CUZD1: variants seen among roughly 807,000 people sequenced by gnomAD.
The protein encoded by CUZD1 is CUB and zona pellucida-like domain-containing protein 1.
CUZD1 carries 42 observed loss-of-function variants against 53.1 expected under a neutral mutation model. The ratio of observed to expected loss-of-function variants is 0.79; its 90% CI spans 0.62 to 1.02. CUZD1 has a LOEUF of 1.02. CUZD1 is among the 50% of genes least tolerant of loss of function. The pLI, the probability that CUZD1 is intolerant of heterozygous loss-of-function variation, is 0.00. For synonymous variants in CUZD1, 238 were observed against 257.2 expected (o/e 0.93, Z 0.71); for missense variants, 670 against 715.7 (o/e 0.94, Z 0.73).
At chr10:122,837,701 C>T (rs1847275616) in intron 3 of CUZD1, 147 bp from the exon 4 acceptor site, 1 of 730,278 alleles carries the variant, frequency 1.4e-6, no homozygotes, top group Non-Finnish European at 2.1e-6. Flanking sequence ...GGTTTTCATC[C>T]TTTTTTATCA....
Position 122,839,001 on chromosome 10 carries a change from G to C in CUZD1, c.448+16C>G. On this transcript the variant is annotated intron_variant, in intron 3 of 8. Transcript: ENST00000392790. ...TGTAGGAGATGTGGGTGAAGGTTGT[G>C]TAAATGAGGACTTACAGATGTTAGG... 6.3e-7 allele frequency: 1 copy of C among 1,595,382 alleles called. No homozygotes were observed. Among genetic ancestry groups the C allele is most frequent in the Non-Finnish European group, 8.6e-7 (1 of 1,163,152 alleles).
chr10:122,843,149 A>G (rs919254377), intron 1 of CUZD1, among the ~76,000 whole-genome samples: 1 of 152,212 alleles, frequency 6.6e-6, no homozygotes, highest in Non-Finnish European at 1.5e-5. Context: ...CCACATAAAA[A>G]CTTGTATACT....
chr10:122,843,205 T>G (rs764583351), intron 1 of CUZD1, among the ~76,000 whole-genome samples: 9 of 152,236 alleles, frequency 5.9e-5, no homozygotes, highest in Non-Finnish European at 1.0e-4. Context: ...GTTCATCAAT[T>G]GATGAATAAA....
chr10:122,845,779 G>T lies in CUZD1; in HGVS notation c.65C>A (p.Thr22Lys). 6.2e-7 allele frequency: 1 copy of T among 1,613,888 alleles called. No homozygotes were observed. Among genetic ancestry groups the T allele is most frequent in the South Asian group, 1.1e-5 (1 of 90,952 alleles). Reference sequence around the variant, plus strand: ...TTTCTTACCTTCAGCCTCCGCCATTGTCAGCTCCGCCAAACAGGAGAGAAT... The same window carrying T: ...TTTCTTACCTTCAGCCTCCGCCATTTTCAGCTCCGCCAAACAGGAGAGAAT... ...LLILSCLAELTMAEAEGNASC... is the reference protein window; with the variant it reads ...LLILSCLAELKMAEAEGNASC... The change falls in exon 1 of 9, where the codon ACA becomes AAA. Residue 22 changes from threonine (T) to lysine (K), a missense_variant. Thr to Lys is a moderately conservative substitution (Grantham distance 78). Transcript: ENST00000392790.
chr10:122,836,629 C>T (rs768014860), intron 5 of CUZD1, among the ~76,000 whole-genome samples: 13 of 152,108 alleles, frequency 8.5e-5, no homozygotes, highest in Non-Finnish European at 1.5e-4. Context: ...AAATCTTTTT[C>T]AGGTTAATAA....
chr10:122,838,923 T>C (rs1847293480), intron 3 of CUZD1, 94 bp downstream of exon 3: 2 of 905,424 alleles, frequency 2.2e-6, no homozygotes, highest in Admixed American at 1.9e-5. Context: ...TGAGGGAATA[T>C]ACTCAGACTG....
intron 2 of CUZD1, among the ~76,000 whole-genome samples, chr10:122,840,553 G>A (rs576305633): frequency 5.4e-4 from 82 of 152,222 alleles, no homozygotes; most frequent in Non-Finnish European, 9.6e-4. Context: ...TGCCCAGAGC[G>A]TTGTTGAGAG....
At chr10:122,844,984 A>G (rs1481104209) in intron 1 of CUZD1, among the ~76,000 whole-genome samples, 1 of 152,082 alleles carries the variant, frequency 6.6e-6, no homozygotes, top group Non-Finnish European at 1.5e-5. Flanking sequence ...TTGAATGTAT[A>G]TATTTCAAAC....
Position 122,832,269 on chromosome 10 carries a change from A to G in CUZD1, c.*9T>C. On this transcript the variant is annotated 3_prime_UTR_variant, in exon 9 of 9. Transcript: ENST00000392790. Reference sequence around the variant, plus strand: ...AGAAACATGTCTCACTTAGGGTTGGACCTGTTAGTTAATAGTTCTGCAGCT... The same window carrying G: ...AGAAACATGTCTCACTTAGGGTTGGGCCTGTTAGTTAATAGTTCTGCAGCT... 1 of 1,613,614 alleles carries G rather than the reference A, an allele frequency of 6.2e-7. No individual in the cohort carries two copies. The highest frequency in any genetic ancestry group is 8.5e-7 in the Non-Finnish European group (1 of 1,179,620).
In CUZD1 at chr10:122,832,469, T is replaced by C. The variant is rs756807763; in HGVS notation, c.1652-19A>G. On this transcript the variant is annotated intron_variant, in intron 8 of 8. Transcript: ENST00000392790. ...TGAAATCCTAAAATTGGAAACAAGATGAAAATCACTTTTTAAGAAGTGTTC... is the reference window on the plus strand; with the variant it reads ...TGAAATCCTAAAATTGGAAACAAGACGAAAATCACTTTTTAAGAAGTGTTC... The C allele has an allele frequency of 8.1e-6, 13 of 1,611,358 alleles. No homozygotes were observed. The highest frequency in any genetic ancestry group is 4.0e-5 in the African/African-American group (3 of 74,810).
rs36212072 is a variant in CUZD1, at chr10:122,836,314, A to G, written c.854T>C (p.Ile285Thr). Residue 285 changes from isoleucine (I) to threonine (T), a missense_variant, in exon 6 of 9, where the codon ATT becomes ACT. Transcript: ENST00000392790. The stretch of plus-strand genomic sequence containing the variant: ...AGCCTCTAGGTAGGATTTGCTTATA[A>G]TAACTCTCATCCTGTCAGAAGAGCA... ...LTCSSDRMRV[I>T]ISKSYLEAFN... is the part of the protein sequence containing the mutation. The G allele has an allele frequency of 7.4e-3, 11,926 of 1,604,924 alleles. 46 individuals carry two copies. The highest frequency in any genetic ancestry group is 8.8e-3 in the Non-Finnish European group (10,394 of 1,177,078).
At chr10:122,843,617 C>T (rs2133818745) in intron 1 of CUZD1, among the ~76,000 whole-genome samples, 1 of 152,044 alleles carries the variant, frequency 6.6e-6, no homozygotes, top group South Asian at 2.1e-4. Context: ...TGCTACAATA[C>T]ATACGAACCT....
chr10:122,834,605 T>A, intron 7 of CUZD1, 101 bp downstream of exon 7: 6 of 868,998 alleles, frequency 6.9e-6, no homozygotes, highest in Non-Finnish European at 9.9e-6. Flanking sequence ...CATGTAGTGC[T>A]AGGAAAAATG....
rs923461404 is a variant in CUZD1 at position 122,835,107 on chromosome 10, G to A, written c.991-10C>T. 1.3e-5 allele frequency: 20 copies of A among 1,520,608 alleles called. No homozygotes were observed. The highest frequency in any genetic ancestry group is 2.2e-5 in the Admixed American group (1 of 45,624). The allele number at this position is 1,520,608 out of a possible 1,614,324, so 94.2% of individuals were successfully genotyped here. On this transcript the variant is annotated splice_polypyrimidine_tract_variant and intron_variant, in intron 6 of 8. Coordinates refer to ENST00000392790, the MANE Select transcript of CUZD1 (RefSeq NM_022034.6). ...TTGACTGATCTTCTACCTGCAGAAC[G>A]AGATAGAATTCAATTTTTATATTTT...
rs11365591 is a variant in CUZD1 at position 122,836,358 on chromosome 10, GAAAA to G, written c.818-12_818-9del. ...AAGAGCAAGTTAAAGATGCTGTCAG[GAAAA>G]AAAAAAAAAAAAGAATGGTCATGTT... is the stretch of plus-strand genomic sequence containing the variant. On this transcript the variant is annotated splice_polypyrimidine_tract_variant and intron_variant, in intron 5 of 8. Transcript: ENST00000392790. The G allele has an allele frequency of 2.0e-3, 2,410 of 1,196,832 alleles. No individual in the cohort carries two copies. Among genetic ancestry groups the G allele is most frequent in the South Asian group, 6.5e-3 (327 of 50,656 alleles). 74.1% of individuals were successfully genotyped at this position (1,196,832 alleles called of 1,614,324 possible).
chr10:122,844,006 G>T (rs1230759626), intron 1 of CUZD1, among the ~76,000 whole-genome samples: 3 of 147,922 alleles, frequency 2.0e-5, no homozygotes, highest in Admixed American at 6.8e-5. Flanking sequence ...TATATATATA[G>T]AGAGACTATA....
At position 122,834,747 on chromosome 10, in the gene CUZD1, G is replaced by T. The variant is rs763479860; in HGVS notation, c.1341C>A (p.Thr447=). 1.2e-6 allele frequency: 2 copies of T among 1,611,844 alleles called. No individual in the cohort carries two copies. Among genetic ancestry groups the T allele is most frequent in the African/African-American group, 2.7e-5 (2 of 74,824 alleles). Residue 447 remains threonine (T), a synonymous_variant, in exon 7 of 9, where the codon ACC becomes ACA. Coordinates refer to ENST00000392790, the MANE Select transcript of CUZD1 (RefSeq NM_022034.6). ...VFLDTCRASP[T]SDFASPTYDL... The stretch of plus-strand genomic sequence containing the variant: ...CGTAGGTTGGAGATGCAAAGTCAGA[G>T]GTGGGAGAGGCTCTACAGGTATCAA...
intron 3 of CUZD1, 147 bp from the exon 4 acceptor site, chr10:122,837,701 CT>C: frequency 4.1e-6 from 3 of 730,266 alleles, no homozygotes; most frequent in Non-Finnish European, 6.2e-6. Flanking sequence ...GGTTTTCATC[CT>C]TTTTTATCAT....
Position 122,832,262 on chromosome 10 carries a change from G to C in CUZD1, c.*16C>G. 2 of 1,612,800 alleles carry C rather than the reference G, an allele frequency of 1.2e-6. No individual in the cohort carries two copies. Among genetic ancestry groups the C allele is most frequent in the Non-Finnish European group, 1.7e-6 (2 of 1,178,948 alleles). ...ATCCTGGAGAAACATGTCTCACTTA[G>C]GGTTGGACCTGTTAGTTAATAGTTC... On this transcript the variant is annotated 3_prime_UTR_variant, in exon 9 of 9. Transcript: ENST00000392790.
Sources: gnomAD v4.1 joint callset for allele counts (sites outside exome capture counted in the v4.1 genomes callset) on GRCh38, gnomAD v4.1.1 for gene constraint, MANE v1.5 for transcripts, NCBI Gene and HGNC (gene_info 2026-07-23, HGNC 2026-07-21) for gene names.